The following NLRP7 variants were observed in gnomAD, a reference collection of about 807,000 sequenced individuals.
NLRP7 encodes the protein NACHT, LRR and PYD domains-containing protein 7.
In NLRP7, 72 loss-of-function variants were observed where a neutral mutation model predicts 85.5. That is an observed-to-expected ratio of 0.84 (90% confidence interval 0.70 to 1.02). The LOEUF (loss-of-function observed/expected upper bound fraction) is 1.02. NLRP7 is among the 50% of genes least tolerant of loss of function. NLRP7 has a pLI of 0.00. For synonymous variants in NLRP7, 550 were observed against 505.2 expected, an observed-to-expected ratio of 1.09 and a Z score of -1.19; for missense variants, 1,243 against 1,219.5, an observed-to-expected ratio of 1.02 and a Z score of -0.29.
At chr19:54,949,636 C>CGAG (rs1273912810), upstream of NLRP7, among the ~76,000 whole-genome samples, 2 of 151,932 alleles carry the variant, frequency 1.3e-5, no homozygotes, top group Non-Finnish European at 2.9e-5. Flanking sequence ...CCCACAAGTG[C>CGAG]GAGGGACTGG....
upstream of NLRP7, among the ~76,000 whole-genome samples, chr19:54,950,506 G>T (rs902164811): frequency 6.6e-6 from 1 of 152,164 alleles, no homozygotes; most frequent in Non-Finnish European, 1.5e-5. Context: ...AGGGTCATAG[G>T]ATAATAGTGG....
chr19:54,960,098 C>A (rs1243141846), intron 1 of NLRP7, among the ~76,000 whole-genome samples: 1 of 151,974 alleles, frequency 6.6e-6, no homozygotes, highest in Non-Finnish European at 1.5e-5. Flanking sequence ...TCTACCCGAA[C>A]CAAACTCACT....
chr19:54,953,993 C>T (rs955314444), intron 1 of NLRP7, among the ~76,000 whole-genome samples: 6 of 151,012 alleles, frequency 4.0e-5, no homozygotes, highest in Admixed American at 1.3e-4. Flanking sequence ...GGTGACAGAG[C>T]GAGACTCCGT....
intron 1 of NLRP7, among the ~76,000 whole-genome samples, chr19:54,942,493 G>A (rs1795584994): frequency 6.6e-6 from 1 of 152,010 alleles, no homozygotes; most frequent in Non-Finnish European, 1.5e-5. Flanking sequence ...GGAGGCCAAG[G>A]CGGGTGGATA....
chr19:54,924,119 C>A (rs954157714), intron 9 of NLRP7, among the ~76,000 whole-genome samples: 1 of 152,058 alleles, frequency 6.6e-6, no homozygotes, highest in Non-Finnish European at 1.5e-5. Flanking sequence ...AGGTGTGCAC[C>A]ACCACGCTTG....
At chr19:54,927,735 G>A (rs1391554011) in intron 9 of NLRP7, 8 of 1,614,128 alleles carry the variant, frequency 5.0e-6, no homozygotes, top group Non-Finnish European at 5.9e-6. Flanking sequence ...GCAGATCCAA[G>A]ATGCTGACAA....
chr19:54,930,815 A>T (rs2068645567), intron 8 of NLRP7, 149 bp from the exon 9 acceptor site: 1 of 708,468 alleles, frequency 1.4e-6, no homozygotes, highest in African/African-American at 1.8e-5. Context: ...TCCCAGGTTC[A>T]AGCGATTCTT....
At chr19:54,959,079 G>C (rs2146282945) in intron 1 of NLRP7, among the ~76,000 whole-genome samples, 1 of 152,064 alleles carries the variant, frequency 6.6e-6, no homozygotes, top group African/African-American at 2.4e-5. Context: ...GTCTGGTTTT[G>C]GGTCTGGTGC....
upstream of NLRP7, among the ~76,000 whole-genome samples, chr19:54,951,265 G>A (rs1225472645): frequency 1.3e-5 from 2 of 152,074 alleles, no homozygotes; most frequent in Non-Finnish European, 2.9e-5. Flanking sequence ...ATCCTTTGTA[G>A]ACCAGGCACA....
exon 4 of NLRP7, chr19:54,940,392 T>A (rs749411178): frequency 6.2e-7 from 1 of 1,614,120 alleles, no homozygotes; most frequent in South Asian, 1.1e-5. Context: ...AAATTGTCAA[T>A]GTCTCCTTGC....
chr19:54,955,976 T>A (rs190194349), intron 1 of NLRP7, among the ~76,000 whole-genome samples: 84 of 145,182 alleles, frequency 5.8e-4, no homozygotes, highest in African/African-American at 2.0e-3. Context: ...CAAAAATAAA[T>A]AAATAAATAA....
chr19:54,926,137 C>T (rs557605679), intron 9 of NLRP7, among the ~76,000 whole-genome samples: 4 of 151,912 alleles, frequency 2.6e-5, no homozygotes, highest in South Asian at 4.2e-4. Flanking sequence ...ATCTGTAGGA[C>T]GATCTTCTGA....
At chr19:54,937,958 C>G in intron 5 of NLRP7, 86 bp downstream of exon 5, 2 of 821,154 alleles carry the variant, frequency 2.4e-6, no homozygotes, top group South Asian at 2.8e-5. Flanking sequence ...GGAGATGAAA[C>G]AGCACATTTC....
intron 9 of NLRP7, among the ~76,000 whole-genome samples, chr19:54,930,029 A>C (rs865822455): frequency 2.9e-4 from 44 of 149,340 alleles, no homozygotes; most frequent in Middle Eastern, 3.4e-3. Flanking sequence ...GCAGGAGAAT[A>C]GCGAGAACCC....
chr19:54,923,993 G>C (rs938360932), intron 9 of NLRP7, 121 bp from the exon 11 acceptor site: 6 of 1,082,548 alleles, frequency 5.5e-6, no homozygotes, highest in Non-Finnish European at 8.3e-6. Flanking sequence ...TGGGGGACAG[G>C]GTCTTGCTCT....
rs536318488 is a variant in NLRP7, at chr19:54,959,439, C to T, written c.-77+6601G>A. ...GGCGTGAGCCACCGTGCCCGGCCTC[C>T]TTGTTTTTTTTCTAAAACAAGTACT... On this transcript the variant is annotated intron_variant, in intron 1 of 2. Transcript: ENST00000587103. Among the ~76,000 whole-genome samples the T allele has an allele frequency of 5.4e-5, 8 of 148,764 alleles. No homozygotes were observed. The South Asian group carries it at 1.7e-3, about 32-fold the overall frequency.
At chr19:54,947,637 G>T, upstream of NLRP7, 5 of 1,289,396 alleles carry the variant, frequency 3.9e-6, no homozygotes, top group Non-Finnish European at 5.1e-6. Context: ...CTGACCTCAG[G>T]CTCACCTTGA....
intron 7 of NLRP7, 86 bp from the exon 8 acceptor site, chr19:54,933,825 T>C: frequency 8.7e-7 from 1 of 1,151,838 alleles, no homozygotes; most frequent in Non-Finnish European, 1.3e-6. Context: ...GCTAGGGTAC[T>C]CAGCTTCAGC....
chr19:54,951,717 G>A (rs898479987), upstream of NLRP7, among the ~76,000 whole-genome samples: 1 of 151,936 alleles, frequency 6.6e-6, no homozygotes, highest in African/African-American at 2.4e-5. Context: ...CATCATTGCT[G>A]TAGATAGGAT....
Sources: gnomAD v4.1 joint callset for allele counts (sites outside exome capture counted in the v4.1 genomes callset) on GRCh38, gnomAD v4.1.1 for gene constraint, MANE v1.5 for transcripts, NCBI Gene and HGNC (gene_info 2026-07-23, HGNC 2026-07-21) for gene names.